CFAP100: variants seen among roughly 807,000 people sequenced by gnomAD.
The protein encoded by CFAP100 is cilia and flagella associated protein 100.
Under a neutral mutation model 81.5 loss-of-function variants are expected in CFAP100, and 70 were observed. That is an observed-to-expected ratio of 0.86 (90% confidence interval 0.71 to 1.05). The LOEUF (loss-of-function observed/expected upper bound fraction) is 1.05. Among genes scored for constraint, CFAP100 ranks in the 50% least tolerant of loss-of-function variants. The probability of loss-of-function intolerance (pLI) is 0.00; values close to 1 mark genes in which losing one functional copy is unlikely to be tolerated. For missense variants in CFAP100, 811 were observed against 776.5 expected (o/e 1.04, Z -0.53); for synonymous variants, 341 against 314.8 (o/e 1.08, Z -0.88).
intron 13 of CFAP100, among the ~76,000 whole-genome samples, chr3:126,430,016 G>A (rs971775587): frequency 6.6e-6 from 1 of 152,176 alleles, no homozygotes; most frequent in Non-Finnish European, 1.5e-5. Context: ...GATTTCTGGT[G>A]AGAAATATAC....
At chr3:126,400,855 C>T (rs114855772) in intron 2 of CFAP100, among the ~76,000 whole-genome samples, 3,452 of 152,250 alleles carry the variant, frequency 0.023, 64 homozygotes, top group Middle Eastern at 0.041. Context: ...CCTAAAAGAA[C>T]GGAAAGCAGG....
chr3:126,430,176 GA>G (rs1450379712), intron 13 of CFAP100, among the ~76,000 whole-genome samples: 5 of 152,080 alleles, frequency 3.3e-5, no homozygotes, highest in Non-Finnish European at 7.4e-5. Context: ...TAGACTTCAT[GA>G]ATCTGGATAT....
rs1426090586 is a variant in CFAP100, at chr3:126,416,377, C to T, written c.287C>T (p.Ser96Leu). The T allele has an allele frequency of 1.2e-6, 2 of 1,611,648 alleles. No homozygotes were observed. Among genetic ancestry groups the T allele is most frequent in the Non-Finnish European group, 8.5e-7 (1 of 1,179,238 alleles). Reference protein sequence around the residue: ...HQKMTYSSKVSAKHTSLRRQL... With the variant: ...HQKMTYSSKVLAKHTSLRRQL... ...AAGATGACCTACTCCTCGAAAGTGT[C>T]GGCTAAGCACACCAGCCTGCGGCGG... is the stretch of plus-strand genomic sequence containing the variant. Residue 96 changes from serine (S) to leucine (L), a missense_variant, in exon 5 of 17, where the codon TCG (serine) becomes TTG (leucine). By Grantham distance (145) the Ser-to-Leu change is moderately radical. Coordinates refer to ENST00000352312, the MANE Select transcript of CFAP100 (RefSeq NM_182628.3).
intron 13 of CFAP100, among the ~76,000 whole-genome samples, chr3:126,430,445 T>C (rs1576647507): frequency 6.6e-6 from 1 of 152,304 alleles, no homozygotes; most frequent in East Asian, 1.9e-4. Context: ...ATAAATTATA[T>C]GAATATATTA....
chr3:126,424,300 C>T (rs756542171), intron 13 of CFAP100, among the ~76,000 whole-genome samples: 8 of 152,212 alleles, frequency 5.3e-5, no homozygotes, highest in Non-Finnish European at 1.0e-4. Flanking sequence ...GCCATCTGGC[C>T]ACCCAGGACT....
At position 126,423,607 on chromosome 3, in the gene CFAP100, G is replaced by A. The variant is rs976092138; in HGVS notation, c.1249G>A (p.Glu417Lys). ...NSQETEKTLEELSHTLKHTQI... is the reference protein window; with the variant it reads ...NSQETEKTLEKLSHTLKHTQI... ...CCAGGAGACGGAGAAGACCCTGGAG[G>A]AGCTGAGCCACACCCTGAAACACAC... Residue 417 changes from glutamate to lysine, a missense_variant, in exon 13 of 17, where the codon GAG becomes AAG. By Grantham distance (56) the Glu-to-Lys change is moderately conservative. Coordinates refer to ENST00000352312, the MANE Select transcript of CFAP100 (RefSeq NM_182628.3). The A allele has an allele frequency of 6.2e-7, 1 of 1,614,208 alleles. No homozygotes were observed. The highest frequency in any genetic ancestry group is 8.5e-7 in the Non-Finnish European group (1 of 1,180,030).
At position 126,416,522 on chromosome 3, in the gene CFAP100, G is replaced by A; in HGVS notation, c.418+14G>A. ...CCTTGACCAAAGGTGCGTCCCCTCCGGCGCGGGGGGACCTGGGCCAGTGGC... is the reference window on the plus strand; with the variant it reads ...CCTTGACCAAAGGTGCGTCCCCTCCAGCGCGGGGGGACCTGGGCCAGTGGC... On this transcript the variant is annotated intron_variant, in intron 5 of 16. Transcript: ENST00000352312. 4 of 1,543,788 alleles carry A rather than the reference G, an allele frequency of 2.6e-6. No homozygotes were observed. Among genetic ancestry groups the A allele is most frequent in the East Asian group, 2.4e-5 (1 of 42,130 alleles).
chr3:126,399,946 G>C (rs72977839), intron 2 of CFAP100, among the ~76,000 whole-genome samples: 6,387 of 152,166 alleles, frequency 0.042, 439 homozygotes, highest in African/African-American at 0.14. Flanking sequence ...CTGTGTGTTT[G>C]ATTGCTGATC....
chr3:126,436,144 G>A, intron 16 of CFAP100, 147 bp from the exon 17 acceptor site: 2 of 609,358 alleles, frequency 3.3e-6, no homozygotes, highest in East Asian at 5.5e-5. Context: ...TTATTTCAGA[G>A]TTAACTCCAG....
Position 126,416,301 on chromosome 3 carries a change from G to T in CFAP100, c.226-15G>T. On this transcript the variant is annotated splice_polypyrimidine_tract_variant and intron_variant, in intron 4 of 16. Coordinates refer to ENST00000352312, the MANE Select transcript of CFAP100 (RefSeq NM_182628.3). ...GGGAGCCTGGGCCCCGCCCGACTTG[G>T]CCCGACGCCCCCAGGAACGGCAGCA... is the stretch of plus-strand genomic sequence containing the variant. 1 of 1,574,184 alleles carries T rather than the reference G, an allele frequency of 6.4e-7. No homozygotes were observed. Among genetic ancestry groups the T allele is most frequent in the Non-Finnish European group, 8.7e-7 (1 of 1,155,346 alleles).
intron 8 of CFAP100, 64 bp from the exon 9 acceptor site, chr3:126,419,573 G>A (rs2083295398): frequency 2.0e-6 from 3 of 1,494,150 alleles, no homozygotes; most frequent in Admixed American, 3.6e-5. Flanking sequence ...GCCCCGGCAT[G>A]GGGACCTCGC....
intron 13 of CFAP100, among the ~76,000 whole-genome samples, chr3:126,431,247 C>T (rs1933212301): frequency 6.6e-6 from 1 of 152,146 alleles, no homozygotes; most frequent in African/African-American, 2.4e-5. Flanking sequence ...TGGGTGCTAT[C>T]AGCCCCTGTG....
intron 13 of CFAP100, among the ~76,000 whole-genome samples, chr3:126,424,868 T>C (rs2083385564): frequency 6.6e-6 from 1 of 152,172 alleles, no homozygotes; most frequent in Non-Finnish European, 1.5e-5. Context: ...AGGAAAGCCA[T>C]CCACACAGGC....
chr3:126,415,027 G>A (rs1017466201), intron 4 of CFAP100, among the ~76,000 whole-genome samples: 9 of 152,148 alleles, frequency 5.9e-5, no homozygotes, highest in African/African-American at 2.2e-4. Flanking sequence ...GGGCCTGTGG[G>A]CTGTGATTCC....
intron 11 of CFAP100, among the ~76,000 whole-genome samples, chr3:126,421,751 G>A (rs755996748): frequency 3.9e-5 from 6 of 152,242 alleles, no homozygotes; most frequent in South Asian, 4.1e-4. Flanking sequence ...GTTGGAAGAG[G>A]ACCCAAGCTG....
At chr3:126,403,388 T>G (rs571115485) in intron 2 of CFAP100, among the ~76,000 whole-genome samples, 2 of 149,372 alleles carry the variant, frequency 1.3e-5, no homozygotes, top group East Asian at 1.9e-4. Context: ...TTTATCTTTT[T>G]TTTTTTTTTT....
chr3:126,418,637 G>T lies in CFAP100; in HGVS notation c.513G>T (p.Glu171Asp). 6.3e-7 allele frequency: 1 copy of T among 1,597,376 alleles called. No individual in the cohort carries two copies. The highest frequency in any genetic ancestry group is 8.5e-7 in the Non-Finnish European group (1 of 1,172,548). ...ATGCCCTGGATGTCAAGCGGAGAGA[G>T]ATCCAGCGGCTGGAGACGCTGGCGA... ...LQYALDVKRR[E>D]IQRLETLATK... Residue 171 changes from glutamate (E) to aspartate (D), a missense_variant, in exon 7 of 17, where the codon GAG (glutamate) becomes GAT (aspartate). Glu to Asp is a conservative substitution (Grantham distance 45). Coordinates refer to ENST00000352312, the MANE Select transcript of CFAP100 (RefSeq NM_182628.3).
chr3:126,430,776 A>T (rs1367931657), intron 13 of CFAP100, among the ~76,000 whole-genome samples: 1 of 149,358 alleles, frequency 6.7e-6, no homozygotes. Context: ...GTTTTTTTTT[A>T]TGGTTTCTAT....
intron 11 of CFAP100, 87 bp downstream of exon 11, chr3:126,420,316 C>T: frequency 6.5e-7 from 1 of 1,531,970 alleles, no homozygotes; most frequent in Non-Finnish European, 8.8e-7. Flanking sequence ...GTCTGAGTGC[C>T]ACAGAAAAGA....
Sources: allele counts gnomAD v4.1 joint callset (sites outside exome capture counted in the v4.1 genomes callset), GRCh38; gene constraint gnomAD v4.1.1; transcripts MANE v1.5; gene names NCBI Gene and HGNC (gene_info 2026-07-23, HGNC 2026-07-21).